SLC28A1: variants seen among roughly 807,000 people sequenced by gnomAD.
SLC28A1 encodes the protein solute carrier family 28 member 1.
A neutral mutation model predicts 74.8 loss-of-function variants in SLC28A1; 64 were observed. That is an observed-to-expected ratio of 0.86 (90% CI 0.70 to 1.05). The LOEUF (loss-of-function observed/expected upper bound fraction) is 1.05. Ranked by LOEUF, SLC28A1 falls within the 50% of genes least tolerant of loss-of-function variation. The pLI is 0.00. For synonymous variants in SLC28A1, 359 were observed against 335.0 expected (o/e 1.07, Z -0.78); for missense variants, 828 against 822.8 (o/e 1.01, Z -0.08).
At chr15:84,934,590 C>T (rs1050427375) in intron 13 of SLC28A1, among the ~76,000 whole-genome samples, 9 of 152,116 alleles carry the variant, frequency 5.9e-5, no homozygotes, top group African/African-American at 1.7e-4. Context: ...TAATGTGAGG[C>T]GCCTGTCATT....
the SLC28A1 span, among the ~76,000 whole-genome samples, chr15:84,974,436 A>T: frequency 6.6e-6 from 1 of 152,196 alleles, no homozygotes; most frequent in African/African-American, 2.4e-5. Context: ...ACCAAGGACA[A>T]ATTACTTAAC....
At chr15:84,906,614 CTT>C in intron 8 of SLC28A1, among the ~76,000 whole-genome samples, 1 of 146,960 alleles carries the variant, frequency 6.8e-6, no homozygotes, top group African/African-American at 2.5e-5. Context: ...TCCTTCCTTC[CTT>C]CCTTCCTTCC....
intron 9 of SLC28A1, among the ~76,000 whole-genome samples, chr15:84,911,126 G>A (rs770018418): frequency 6.6e-6 from 1 of 152,232 alleles, no homozygotes; most frequent in East Asian, 1.9e-4. Context: ...CCGCCAGAGC[G>A]CCTTCCCCCG....
chr15:84,900,337 AG>A (rs1317114313), intron 6 of SLC28A1, among the ~76,000 whole-genome samples: 2 of 150,536 alleles, frequency 1.3e-5, no homozygotes, highest in African/African-American at 4.9e-5. Context: ...CTCAAAAAAA[AG>A]GAAAAAAGGA....
At chr15:84,921,158 C>G (rs969936534) in intron 11 of SLC28A1, 89 bp downstream of exon 11, 1 of 997,504 alleles carries the variant, frequency 1.0e-6, no homozygotes. Context: ...CTGATTCAGT[C>G]CAAGGAAGAG....
At position 84,886,652 on chromosome 15, in the gene SLC28A1, C is replaced by T. The variant is rs544978142; in HGVS notation, c.-132-20C>T. ...ACTGGGTGGCAGGCCCAACCTACTC[C>T]GACCCTGGACTCTGCCCAGGAATTT... On this transcript the variant is annotated intron_variant, in intron 1 of 18. Coordinates refer to ENST00000394573, the MANE Select transcript of SLC28A1 (RefSeq NM_004213.5). 2.7e-5 allele frequency: 27 copies of T among 985,354 alleles called. No homozygotes were observed. The highest frequency in any genetic ancestry group is 1.1e-4 in the East Asian group (1 of 8,828). The allele number at this position is 985,354 out of a possible 1,614,324, so 61.0% of individuals were successfully genotyped here. A position where few individuals can be genotyped will look rare whatever the true frequency, so the allele number is the denominator to read the frequency against.
intron 12 of SLC28A1, among the ~76,000 whole-genome samples, chr15:84,931,980 C>T (rs999083477): frequency 2.7e-5 from 4 of 150,566 alleles, no homozygotes; most frequent in South Asian, 2.1e-4. Flanking sequence ...CCAGCCTGGG[C>T]AACAGAGCAA....
chr15:84,943,388 G>A (rs1972935028), intron 15 of SLC28A1, 57 bp from the exon 16 acceptor site: 1 of 1,260,002 alleles, frequency 7.9e-7, no homozygotes, highest in Non-Finnish European at 1.2e-6. Flanking sequence ...GGTGTTATAG[G>A]GGTGCCCCAG....
chr15:84,904,591 G>C (rs764043484), intron 7 of SLC28A1, among the ~76,000 whole-genome samples: 1 of 152,160 alleles, frequency 6.6e-6, no homozygotes, highest in Non-Finnish European at 1.5e-5. Flanking sequence ...GCAGAGCCAA[G>C]GGTTTCCTGG....
At chr15:84,895,541 A>G (rs962632435) in intron 6 of SLC28A1, 12 of 1,551,654 alleles carry the variant, frequency 7.7e-6, no homozygotes, top group African/African-American at 1.4e-5. Flanking sequence ...GGGGATTCTG[A>G]TGTAGCCAGC....
chr15:84,908,815 C>G lies in SLC28A1; in HGVS notation c.795+20C>G. 1 of 1,607,116 alleles carries G rather than the reference C, an allele frequency of 6.2e-7. No homozygotes were observed. The highest frequency in any genetic ancestry group is 8.5e-7 in the Non-Finnish European group (1 of 1,174,690). ...TTTCAGGTCAGCTTGACTCAGGGTCCCAGAGGCCTTTAGCAGCCACCGCCC... is the reference window on the plus strand; with the variant it reads ...TTTCAGGTCAGCTTGACTCAGGGTCGCAGAGGCCTTTAGCAGCCACCGCCC... On this transcript the variant is annotated intron_variant, in intron 9 of 18. Transcript: ENST00000394573.
Position 84,905,559 on chromosome 15 carries a change from T to C in SLC28A1, c.624T>C (p.Ser208=), listed in dbSNP as rs768317544. The change falls in exon 8 of 19, where the codon TCT becomes TCC. Residue 208 remains serine, a synonymous_variant. Transcript: ENST00000394573. ...HHCAVSWRAV[S]WGLGLQFVLG... The stretch of plus-strand genomic sequence containing the variant: ...GGTAGGTGTCCTGGAGGGCCGTGTC[T>C]TGGGGACTTGGACTGCAGTTTGTAC... The C allele has an allele frequency of 1.2e-6, 2 of 1,613,668 alleles. No homozygotes were observed. Among genetic ancestry groups the C allele is most frequent in the South Asian group, 2.2e-5 (2 of 91,078 alleles).
chr15:84,897,395 A>C (rs1045923899), intron 6 of SLC28A1, among the ~76,000 whole-genome samples: 1 of 152,048 alleles, frequency 6.6e-6, no homozygotes, highest in African/African-American at 2.4e-5. Flanking sequence ...CAGAAAAAAA[A>C]AATCCAAACC....
intron 10 of SLC28A1, 127 bp from the exon 11 acceptor site, chr15:84,920,862 G>A (rs564975438): frequency 1.1e-4 from 89 of 774,242 alleles, no homozygotes; most frequent in Non-Finnish European, 1.9e-4. Context: ...TTGGGAAAAT[G>A]TAGATGAAGG....
chr15:84,913,119 A>AGC (rs1356109600), intron 9 of SLC28A1, among the ~76,000 whole-genome samples: 8 of 152,214 alleles, frequency 5.3e-5, no homozygotes. Flanking sequence ...GCTAGGTTAC[A>AGC]GCCAGAAATG....
chr15:84,907,340 G>A (rs757624557), intron 8 of SLC28A1, among the ~76,000 whole-genome samples: 9 of 152,102 alleles, frequency 5.9e-5, no homozygotes, highest in African/African-American at 4.8e-5. Flanking sequence ...ACCAGGTTAT[G>A]AGACTAGCTA....
chr15:84,955,316 G>A, the SLC28A1 span, among the ~76,000 whole-genome samples: 10 of 152,160 alleles, frequency 6.6e-5, no homozygotes, highest in Non-Finnish European at 1.2e-4. Flanking sequence ...TTTATGCAAC[G>A]GGTTTGGGAT....
intron 15 of SLC28A1, among the ~76,000 whole-genome samples, chr15:84,936,628 A>C (rs1971974635): frequency 6.6e-6 from 1 of 152,254 alleles, no homozygotes; most frequent in Non-Finnish European, 1.5e-5. Flanking sequence ...ATTTTTAAAA[A>C]CTATAAAAGT....
At chr15:84,924,665 G>A (rs1567166909) in intron 12 of SLC28A1, among the ~76,000 whole-genome samples, 1 of 152,194 alleles carries the variant, frequency 6.6e-6, no homozygotes, top group Non-Finnish European at 1.5e-5. Flanking sequence ...ACTGCATGGT[G>A]GGCAGAGGGA....
Sources: gnomAD v4.1 joint callset for allele counts (sites outside exome capture counted in the v4.1 genomes callset) on GRCh38, gnomAD v4.1.1 for gene constraint, MANE v1.5 for transcripts, NCBI Gene and HGNC (gene_info 2026-07-23, HGNC 2026-07-21) for gene names.